GRM7: variants seen among roughly 807,000 people sequenced by gnomAD.
GRM7 encodes the protein glutamate metabotropic receptor 7.
Under a neutral mutation model 84.5 loss-of-function variants are expected in GRM7, and 35 were observed. The ratio of observed to expected loss-of-function variants is 0.41; its 90% CI spans 0.32 to 0.55. The LOEUF is 0.55. Ranked by LOEUF, GRM7 falls within the 20% of genes least tolerant of loss-of-function variation. GRM7 has a pLI of 0.19. For synonymous variants in GRM7, 487 were observed against 455.1 expected (o/e 1.07, Z -0.89); for missense variants, 1,003 against 1,194.6 (o/e 0.84, Z 2.36).
At chr3:6,997,649 C>T (rs1694870615) in intron 1 of GRM7, among the ~76,000 whole-genome samples, 1 of 152,142 alleles carries the variant, frequency 6.6e-6, no homozygotes, top group Non-Finnish European at 1.5e-5. Flanking sequence ...TGGGTGGGGA[C>T]ACCACCAAAC....
At chr3:7,580,023 G>T (rs1040845158) in intron 8 of GRM7, among the ~76,000 whole-genome samples, 2 of 152,168 alleles carry the variant, frequency 1.3e-5, no homozygotes, top group African/African-American at 4.8e-5. Context: ...TCAATATTTG[G>T]TGCAGAGCTA....
intron 8 of GRM7, among the ~76,000 whole-genome samples, chr3:7,580,026 C>T (rs1164503645): frequency 6.6e-6 from 1 of 152,198 alleles, no homozygotes; most frequent in African/African-American, 2.4e-5. Context: ...ATATTTGGTG[C>T]AGAGCTAGTG....
At chr3:7,212,673 A>G (rs1696471123) in intron 2 of GRM7, among the ~76,000 whole-genome samples, 1 of 152,230 alleles carries the variant, frequency 6.6e-6, no homozygotes, top group South Asian at 2.1e-4. Flanking sequence ...TGAGTGGAGC[A>G]AGAAAATAAC....
intron 9 of GRM7, among the ~76,000 whole-genome samples, chr3:7,717,932 A>G (rs1225730013): frequency 6.6e-6 from 1 of 152,236 alleles, no homozygotes; most frequent in Non-Finnish European, 1.5e-5. Flanking sequence ...ACATGTCATT[A>G]AATCTGCTCA....
intron 2 of GRM7, among the ~76,000 whole-genome samples, chr3:7,221,394 A>G (rs991847632): frequency 5.3e-5 from 8 of 152,132 alleles, no homozygotes; most frequent in African/African-American, 1.7e-4. Context: ...CTCAAACCTG[A>G]TTGTTTGCTA....
chr3:7,178,830 C>T (rs1695242337), intron 2 of GRM7, among the ~76,000 whole-genome samples: 1 of 152,040 alleles, frequency 6.6e-6, no homozygotes, highest in African/African-American at 2.4e-5. Context: ...CCTGTAATCC[C>T]AGCACTTTGG....
At chr3:7,441,184 C>G (rs934515660) in intron 5 of GRM7, among the ~76,000 whole-genome samples, 8 of 152,080 alleles carry the variant, frequency 5.3e-5, no homozygotes, top group African/African-American at 1.9e-4. Context: ...GCCATTCTGA[C>G]TGGTGTGAGA....
At chr3:7,316,696 G>A (rs965635375) in intron 4 of GRM7, among the ~76,000 whole-genome samples, 34 of 152,112 alleles carry the variant, frequency 2.2e-4, no homozygotes, top group African/African-American at 8.2e-4. Context: ...CAATTCTGGA[G>A]GTGTTAAGTT....
chr3:6,902,734 T>C (rs756546711), intron 1 of GRM7, among the ~76,000 whole-genome samples: 25 of 152,190 alleles, frequency 1.6e-4, no homozygotes, highest in Non-Finnish European at 3.2e-4. Context: ...ATCCAAGCAG[T>C]GTCTACTTGT....
intron 4 of GRM7, among the ~76,000 whole-genome samples, chr3:7,366,175 G>T (rs1693884483): frequency 6.6e-6 from 1 of 151,686 alleles, no homozygotes; most frequent in Non-Finnish European, 1.5e-5. Flanking sequence ...ATCCCCAAAA[G>T]GACTTTAACA....
intron 2 of GRM7, among the ~76,000 whole-genome samples, chr3:7,208,687 C>G (rs1465252300): frequency 6.6e-6 from 1 of 152,152 alleles, no homozygotes; most frequent in Non-Finnish European, 1.5e-5. Flanking sequence ...TGGGTGCTTA[C>G]TGATACATCT....
chr3:7,283,836 A>T (rs1559551889), intron 2 of GRM7, among the ~76,000 whole-genome samples: 1 of 152,230 alleles, frequency 6.6e-6, no homozygotes, highest in South Asian at 2.1e-4. Flanking sequence ...CAGGCATTTA[A>T]AAAGAAAATA....
intron 1 of GRM7, among the ~76,000 whole-genome samples, chr3:7,103,576 T>G (rs1699181316): frequency 6.6e-6 from 1 of 151,830 alleles, no homozygotes; most frequent in African/African-American, 2.4e-5. Context: ...TGCTGTAGGC[T>G]TTTAATTACA....
intron 1 of GRM7, among the ~76,000 whole-genome samples, chr3:6,870,042 C>G (rs138694012): frequency 2.0e-5 from 3 of 151,622 alleles, no homozygotes; most frequent in Non-Finnish European, 2.9e-5. Flanking sequence ...TTTGCTTCTC[C>G]CTCTCTTCTC....
intron 7 of GRM7, among the ~76,000 whole-genome samples, chr3:7,568,526 G>A (rs958066944): frequency 2.0e-5 from 3 of 152,246 alleles, no homozygotes; most frequent in Non-Finnish European, 4.4e-5. Context: ...GCCTGCCGCT[G>A]CACTGTGGGA....
intron 8 of GRM7, among the ~76,000 whole-genome samples, chr3:7,630,397 A>G (rs757082263): frequency 6.6e-6 from 1 of 152,190 alleles, no homozygotes; most frequent in Non-Finnish European, 1.5e-5. Context: ...CAAATGGACA[A>G]ATGACTGTGA....
At chr3:7,606,114 T>C (rs1696554635) in intron 8 of GRM7, among the ~76,000 whole-genome samples, 1 of 152,188 alleles carries the variant, frequency 6.6e-6, no homozygotes, top group Non-Finnish European at 1.5e-5. Flanking sequence ...CCCTAAGGAA[T>C]ATAATTTCTG....
At chr3:6,997,076 C>T (rs1474474216) in intron 1 of GRM7, among the ~76,000 whole-genome samples, 2 of 152,074 alleles carry the variant, frequency 1.3e-5, no homozygotes, top group African/African-American at 4.8e-5. Flanking sequence ...TTTTTTCTCT[C>T]TGTGAGAGAA....
chr3:7,629,807 C>T (rs1322403879), intron 8 of GRM7, among the ~76,000 whole-genome samples: 6 of 152,084 alleles, frequency 3.9e-5, no homozygotes, highest in Non-Finnish European at 8.8e-5. Flanking sequence ...ACTTGTTTTA[C>T]ATTCCAAGTT....
Sources: allele counts gnomAD v4.1 joint callset (sites outside exome capture counted in the v4.1 genomes callset), GRCh38; gene constraint gnomAD v4.1.1; transcripts MANE v1.5; gene names NCBI Gene and HGNC (gene_info 2026-07-23, HGNC 2026-07-21).